Variants in AGTPBP1 observed in about 807,000 individuals in gnomAD.
The protein encoded by AGTPBP1 is cytosolic carboxypeptidase 1.
A neutral mutation model predicts 143.9 loss-of-function variants in AGTPBP1; 70 were observed. That is an observed-to-expected ratio of 0.49 (90% CI 0.40 to 0.59). The LOEUF (loss-of-function observed/expected upper bound fraction) is 0.59, where lower values mean the gene tolerates loss of function less well. Ranked by LOEUF, AGTPBP1 falls within the 20% of genes least tolerant of loss-of-function variation. The pLI, the probability that AGTPBP1 is intolerant of heterozygous loss-of-function variation, is 0.00. For missense variants in AGTPBP1, 1,229 were observed against 1,464.5 expected (o/e 0.84, Z 2.62); for synonymous variants, 463 against 500.2 (o/e 0.93, Z 0.99).
At chr9:85,705,834 G>A (rs1389018478) in intron 2 of AGTPBP1, among the ~76,000 whole-genome samples, 1 of 151,970 alleles carries the variant, frequency 6.6e-6, no homozygotes, top group Non-Finnish European at 1.5e-5. Context: ...GGGAATACAG[G>A]TGCCCACCAC....
chr9:85,607,584 A>G (rs1830064921), intron 17 of AGTPBP1, among the ~76,000 whole-genome samples: 1 of 152,096 alleles, frequency 6.6e-6, no homozygotes, highest in South Asian at 2.1e-4. Context: ...AAAACTGTAA[A>G]TTTTTTGCCT....
intron 3 of AGTPBP1, among the ~76,000 whole-genome samples, chr9:85,689,233 G>C (rs189669063): frequency 3.7e-4 from 56 of 152,140 alleles, no homozygotes; most frequent in Admixed American, 3.7e-3. Flanking sequence ...TGTGCTAAAG[G>C]GCAGAGACTG....
In AGTPBP1 at chr9:85,729,800, G is replaced by A. The variant is rs182006884; in HGVS notation, c.-34+11975C>T. 1.6e-4 allele frequency among the ~76,000 whole-genome samples: 25 copies of A among 152,188 alleles called. No individual in the cohort carries two copies. The Middle Eastern group carries it at 0.014, about 83-fold the overall frequency. ...AAAAGTTGCTCCACATCACTTATCA[G>A]AGAAATGGAATTCAAGACCACAGTG... On this transcript the variant is annotated intron_variant, in intron 1 of 25. Coordinates refer to ENST00000357081, the MANE Select transcript of AGTPBP1 (RefSeq NM_001330701.2).
rs117807084 is a variant in AGTPBP1 at position 85,563,110 on chromosome 9, G to C, written c.3503+12205C>G. 2.6e-4 allele frequency among the ~76,000 whole-genome samples: 40 copies of C among 152,320 alleles called. 1 individual carries two copies. The East Asian group carries it at 7.7e-3, about 29-fold the overall frequency. ...GAACTGTAAGAAATAGATTTCTCCT[G>C]TTTATAAGGTATCCAGTGTACGGTA... On this transcript the variant is annotated intron_variant, in intron 25 of 25. Transcript: ENST00000357081.
chr9:85,778,688 A>G, the AGTPBP1 span, among the ~76,000 whole-genome samples: 1 of 152,200 alleles, frequency 6.6e-6, no homozygotes, highest in Admixed American at 6.5e-5. Context: ...TCTTGGTTGT[A>G]GGAAGGGCCG....
At chr9:85,556,546 A>T (rs987472375) in intron 25 of AGTPBP1, among the ~76,000 whole-genome samples, 2 of 152,224 alleles carry the variant, frequency 1.3e-5, no homozygotes, top group African/African-American at 4.8e-5. Context: ...AAGATGACTA[A>T]CTGGATTATA....
At chr9:85,697,719 T>A (rs1482118286) in intron 2 of AGTPBP1, among the ~76,000 whole-genome samples, 1 of 152,184 alleles carries the variant, frequency 6.6e-6, no homozygotes, top group East Asian at 1.9e-4. Context: ...CCCAAAGTGC[T>A]AGGATTACAG....
At position 85,646,384 on chromosome 9, in the gene AGTPBP1, A is replaced by T; in HGVS notation, c.1122T>A (p.Asp374Glu). The T allele has an allele frequency of 6.2e-7, 1 of 1,613,112 alleles. No homozygotes were observed. Among genetic ancestry groups the T allele is most frequent in the Middle Eastern group, 1.7e-4 (1 of 6,056 alleles). Reference sequence around the variant, plus strand: ...CGTTTTCAGCTTCTACATCAATATCATCGTTGTCATCACTTTCATCTACTA... The same window carrying T: ...CGTTTTCAGCTTCTACATCAATATCTTCGTTGTCATCACTTTCATCTACTA... ...DDVVDESDDN[D>E]DIDVEAENET... Residue 374 changes from aspartate to glutamate, a missense_variant, in exon 12 of 26, where the codon GAT becomes GAA. This residue lies in a region of AGTPBP1 where 743 missense variants were observed against 812.2 expected (regional missense o/e 0.91). Transcript: ENST00000357081.
intron 1 of AGTPBP1, among the ~76,000 whole-genome samples, chr9:85,739,021 A>C (rs1824029890): frequency 6.6e-6 from 1 of 152,184 alleles, no homozygotes; most frequent in Non-Finnish European, 1.5e-5. Flanking sequence ...GTATACACTA[A>C]TATTATGTCA....
At chr9:85,760,468 C>T in the AGTPBP1 span, among the ~76,000 whole-genome samples, 5 of 152,218 alleles carry the variant, frequency 3.3e-5, no homozygotes, top group East Asian at 1.9e-4. Context: ...GTTCAACATA[C>T]GCAAATCAAT....
rs566732971 is a variant in AGTPBP1 at position 85,575,170 on chromosome 9, T to G, written c.3503+145A>C. ...CATTAAAAGAATCAGCAATATAAAT[T>G]GGAACAAATATTTGATGTATTAACT... On this transcript the variant is annotated intron_variant, in intron 25 of 25. Transcript: ENST00000357081. The G allele has an allele frequency of 7.7e-6, 4 of 521,040 alleles. No homozygotes were observed. In the South Asian group the frequency reaches 1.6e-4, roughly 21 times the overall value. The allele number at this position is 521,040 out of a possible 1,614,324, so 32.3% of individuals were successfully genotyped here.
intron 14 of AGTPBP1, among the ~76,000 whole-genome samples, chr9:85,632,280 C>A (rs983888502): frequency 6.6e-6 from 1 of 152,038 alleles, no homozygotes; most frequent in Non-Finnish European, 1.5e-5. Context: ...TGATTTATAG[C>A]CTATTTTTAA....
intron 25 of AGTPBP1, among the ~76,000 whole-genome samples, chr9:85,568,405 C>T (rs1564016576): frequency 6.6e-6 from 1 of 152,080 alleles, no homozygotes; most frequent in African/African-American, 2.4e-5. Context: ...TTTAGAAGCA[C>T]TGTTCTGAAA....
the AGTPBP1 span, among the ~76,000 whole-genome samples, chr9:85,804,649 T>C: frequency 6.6e-6 from 1 of 152,242 alleles, no homozygotes; most frequent in Admixed American, 6.5e-5. Flanking sequence ...CCAGTACAGC[T>C]GGGTGCCGGC....
At chr9:85,685,879 CAAT>C (rs1338514558) in intron 3 of AGTPBP1, among the ~76,000 whole-genome samples, 1 of 151,584 alleles carries the variant, frequency 6.6e-6, no homozygotes, top group Non-Finnish European at 1.5e-5. Flanking sequence ...CATGAAGTAA[CAAT>C]AATAATTCTA....
At chr9:85,603,037 G>A (rs917257942) in intron 17 of AGTPBP1, among the ~76,000 whole-genome samples, 1 of 152,186 alleles carries the variant, frequency 6.6e-6, no homozygotes, top group African/African-American at 2.4e-5. Context: ...CACCACCGAA[G>A]GCTAAGGCAC....
chr9:85,726,022 A>G (rs916398490), intron 1 of AGTPBP1, among the ~76,000 whole-genome samples: 3 of 137,948 alleles, frequency 2.2e-5, no homozygotes, highest in African/African-American at 8.5e-5. Flanking sequence ...TGCTACTTGC[A>G]CTCCAGCCTG....
chr9:85,790,783 C>T, the AGTPBP1 span, among the ~76,000 whole-genome samples: 6 of 152,084 alleles, frequency 3.9e-5, no homozygotes, highest in African/African-American at 1.4e-4. Flanking sequence ...GAGTTATCTA[C>T]AGTACTTTAA....
At chr9:85,572,486 A>T (rs894716501) in intron 25 of AGTPBP1, among the ~76,000 whole-genome samples, 1 of 152,198 alleles carries the variant, frequency 6.6e-6, no homozygotes, top group Non-Finnish European at 1.5e-5. Context: ...TTACAAAGGA[A>T]ATCGATTATA....
Sources: gnomAD v4.1 joint callset for allele counts (sites outside exome capture counted in the v4.1 genomes callset) on GRCh38, gnomAD v4.1.1 for gene constraint, gnomAD v4.1.1 regional missense constraint, MANE v1.5 for transcripts, NCBI Gene and HGNC (gene_info 2026-07-23, HGNC 2026-07-21) for gene names.